Variants in TMEM217 observed in about 807,000 individuals in gnomAD.
TMEM217 encodes transmembrane protein 217, also known as chromosome 6 open reading frame 128.
For missense variants in TMEM217, 204 were observed against 248.8 expected (o/e 0.82, Z 1.21); for synonymous variants, 76 against 88.3 (o/e 0.86, Z 0.78).
chr6:37,227,813 C>T (rs1215558506), intron 1 of TMEM217, among the ~76,000 whole-genome samples: 2 of 151,442 alleles, frequency 1.3e-5, no homozygotes, highest in East Asian at 1.9e-4. Context: ...TACATGCTTA[C>T]GTGAAGTAAA....
At chr6:37,235,414 A>G (rs186312465) in intron 1 of TMEM217, among the ~76,000 whole-genome samples, 1,635 of 152,064 alleles carry the variant, frequency 0.011, 25 homozygotes, top group Middle Eastern at 0.044. Context: ...CGCCCAGGCT[A>G]GAGTGCAGTG....
intron 1 of TMEM217, among the ~76,000 whole-genome samples, chr6:37,233,794 C>G (rs1764340220): frequency 6.6e-6 from 1 of 152,146 alleles, no homozygotes. Context: ...AACTAACTAA[C>G]TAACTAAGTC....
chr6:37,242,802 T>C (rs1764839227), intron 1 of TMEM217, among the ~76,000 whole-genome samples: 1 of 152,214 alleles, frequency 6.6e-6, no homozygotes, highest in South Asian at 2.1e-4. Context: ...TGTAATTCCT[T>C]TGGCCTTACT....
At chr6:37,236,662 A>ATT (rs66485671) in intron 1 of TMEM217, among the ~76,000 whole-genome samples, 1,846 of 149,816 alleles carry the variant, frequency 0.012, 17 homozygotes, top group African/African-American at 0.024. Context: ...TGCCAGTACT[A>ATT]TTTTTTTTTT....
chr6:37,212,852 T>C, downstream of TMEM217: 1 of 1,284,038 alleles, frequency 7.8e-7, no homozygotes, highest in Non-Finnish European at 1.1e-6. Flanking sequence ...TCCACGTAGA[T>C]GCTGAACTTG....
At chr6:37,243,440 G>A (rs909493425) in intron 1 of TMEM217, among the ~76,000 whole-genome samples, 4 of 152,206 alleles carry the variant, frequency 2.6e-5, no homozygotes, top group African/African-American at 9.7e-5. Flanking sequence ...TAATTGCCCA[G>A]TGGGTTCTTC....
chr6:37,218,212 C>A, exon 2 of TMEM217: 1 of 1,280,216 alleles, frequency 7.8e-7, no homozygotes, highest in Non-Finnish European at 9.9e-7. Flanking sequence ...CTCTGTCACT[C>A]AGGCTGAAGT....
intron 1 of TMEM217, among the ~76,000 whole-genome samples, chr6:37,240,417 C>T (rs1186489002): frequency 6.6e-6 from 1 of 152,202 alleles, no homozygotes; most frequent in African/African-American, 2.4e-5. Context: ...AACTCAGTTC[C>T]TCACCTCCTG....
intron 1 of TMEM217, among the ~76,000 whole-genome samples, chr6:37,252,599 GTGTGTGTGTA>G (rs199796687): frequency 3.3e-4 from 15 of 45,388 alleles, no homozygotes; most frequent in Admixed American, 4.5e-4. Context: ...ATGTGTGTGT[GTGTGTGTGTA>G]TGTGTGTGTA....
chr6:37,243,214 T>C (rs1562020765), intron 1 of TMEM217, among the ~76,000 whole-genome samples: 1 of 152,240 alleles, frequency 6.6e-6, no homozygotes, highest in African/African-American at 2.4e-5. Context: ...TGGCAAGGGC[T>C]ATTACTCTCT....
chr6:37,218,740 G>A, exon 2 of TMEM217: 4 of 1,614,194 alleles, frequency 2.5e-6, no homozygotes, highest in Non-Finnish European at 3.4e-6. Context: ...TCCAGACAAT[G>A]TAGATGACCA....
chr6:37,215,006 C>T (rs138125669), downstream of TMEM217, among the ~76,000 whole-genome samples: 205 of 152,322 alleles, frequency 1.3e-3, 1 homozygote, highest in African/African-American at 4.5e-3. Context: ...CAGTTTTCTT[C>T]CTTTGCTTTA....
At chr6:37,252,162 G>A (rs1218704473) in intron 1 of TMEM217, among the ~76,000 whole-genome samples, 2 of 152,176 alleles carry the variant, frequency 1.3e-5, no homozygotes, top group Non-Finnish European at 2.9e-5. Context: ...CAAAGTGCTG[G>A]GATTACAGGC....
chr6:37,233,060 A>G (rs1764290567), intron 1 of TMEM217, among the ~76,000 whole-genome samples: 1 of 152,322 alleles, frequency 6.6e-6, no homozygotes, highest in African/African-American at 2.4e-5. Context: ...TCTGGTCTTC[A>G]GTTTGGAGCT....
At chr6:37,212,759 C>A, downstream of TMEM217, 1 of 693,354 alleles carries the variant, frequency 1.4e-6, no homozygotes. Flanking sequence ...AGGAAGCAGC[C>A]GATGATGATG....
At chr6:37,240,261 A>G (rs529704306) in intron 1 of TMEM217, among the ~76,000 whole-genome samples, 9 of 152,298 alleles carry the variant, frequency 5.9e-5, no homozygotes, top group African/African-American at 2.2e-4. Flanking sequence ...TTCTGGTTCA[A>G]GGTTTCTCAC....
At chr6:37,243,749 C>T (rs1241482630) in intron 1 of TMEM217, among the ~76,000 whole-genome samples, 1 of 152,186 alleles carries the variant, frequency 6.6e-6, no homozygotes, top group Non-Finnish European at 1.5e-5. Flanking sequence ...CAGGCATGCA[C>T]CACCACACCT....
chr6:37,225,390 T>C (rs2113835304), intron 1 of TMEM217, among the ~76,000 whole-genome samples: 1 of 152,036 alleles, frequency 6.6e-6, no homozygotes, highest in African/African-American at 2.4e-5. Flanking sequence ...AACAAGCTAG[T>C]AAATAAAAGA....
intron 1 of TMEM217, among the ~76,000 whole-genome samples, chr6:37,228,920 C>G (rs1764006807): frequency 6.6e-6 from 1 of 151,712 alleles, no homozygotes; most frequent in African/African-American, 2.4e-5. Flanking sequence ...TGGCGTGAAC[C>G]TGGGAGGTGG....
Sources: allele counts gnomAD v4.1 joint callset (sites outside exome capture counted in the v4.1 genomes callset), GRCh38; gene constraint gnomAD v4.1.1; transcripts MANE v1.5; gene names NCBI Gene and HGNC (gene_info 2026-07-23, HGNC 2026-07-21).